BABAM2: variants seen among roughly 807,000 people sequenced by gnomAD.
BABAM2 encodes the protein BRISC and BRCA1-A complex member 2.
Under a neutral mutation model 54.7 loss-of-function variants are expected in BABAM2, and 31 were observed. That is an observed-to-expected ratio of 0.57 (90% CI 0.43 to 0.77). The LOEUF is 0.77. Ranked by LOEUF, BABAM2 falls within the 30% of genes least tolerant of loss-of-function variation. The pLI is 0.00. For synonymous variants in BABAM2, 167 were observed against 162.9 expected (o/e 1.03, Z -0.19); for missense variants, 364 against 455.8 (o/e 0.80, Z 1.83).
Position 28,223,241 on chromosome 2 carries a change from T to G in BABAM2, c.681-13961T>G, listed in dbSNP as rs183597569. Among the ~76,000 whole-genome samples the G allele has an allele frequency of 1.3e-3, 200 of 152,346 alleles. 1 individual carries two copies. The highest frequency in any genetic ancestry group is 2.2e-3 in the Non-Finnish European group (153 of 68,022). Reference sequence around the variant, plus strand: ...TAAAACACTAACCACACTTATAGCCTCCTCAATTCCCTCTTCCCAGTCTGC... The same window carrying G: ...TAAAACACTAACCACACTTATAGCCGCCTCAATTCCCTCTTCCCAGTCTGC... On this transcript the variant is annotated intron_variant, in intron 7 of 11. Coordinates refer to ENST00000379624, the MANE Select transcript of BABAM2 (RefSeq NM_199191.3).
At chr2:28,251,727 T>C (rs1451280814) in intron 10 of BABAM2, among the ~76,000 whole-genome samples, 1 of 152,202 alleles carries the variant, frequency 6.6e-6, no homozygotes, top group Admixed American at 6.5e-5. Context: ...GGAATATACT[T>C]GAAAAGCAAA....
chr2:28,185,444 T>C (rs1180463161), intron 7 of BABAM2, among the ~76,000 whole-genome samples: 1 of 152,196 alleles, frequency 6.6e-6, no homozygotes, highest in Non-Finnish European at 1.5e-5. Context: ...ATGATCCAGA[T>C]TGCACGTCTG....
chr2:28,113,772 C>G (rs890196585), intron 6 of BABAM2, among the ~76,000 whole-genome samples: 6 of 152,100 alleles, frequency 3.9e-5, no homozygotes, highest in African/African-American at 1.4e-4. Context: ...TTGATTCTTC[C>G]TATCTATGAG....
intron 4 of BABAM2, among the ~76,000 whole-genome samples, chr2:27,993,073 TG>T (rs1432345060): frequency 6.6e-6 from 1 of 152,230 alleles, no homozygotes; most frequent in East Asian, 1.9e-4. Context: ...GCTTGTTTGG[TG>T]TCTGTCTCTG....
intron 5 of BABAM2, among the ~76,000 whole-genome samples, chr2:28,044,880 C>T (rs746937802): frequency 1.2e-4 from 18 of 151,836 alleles, no homozygotes; most frequent in Non-Finnish European, 2.5e-4. Context: ...GGATGGAAGA[C>T]CGAGGATTCC....
Position 27,995,081 on chromosome 2 carries a change from G to T in BABAM2, c.300+6994G>T, listed in dbSNP as rs143904516. On this transcript the variant is annotated intron_variant, in intron 4 of 11. Coordinates refer to ENST00000379624, the MANE Select transcript of BABAM2 (RefSeq NM_199191.3). The surrounding 1 kb of genome is among the most constrained non-coding windows in gnomAD (Gnocchi z 4.1). ...AAGACCCTTTCCCCCATCACACCCC[G>T]TCACAGCTGAGATTCCTACCTCCTT... Among the ~76,000 whole-genome samples the T allele has an allele frequency of 1.7e-4, 26 of 152,134 alleles. No homozygotes were observed. Among genetic ancestry groups the T allele is most frequent in the Non-Finnish European group, 2.5e-4 (17 of 68,026 alleles).
intron 7 of BABAM2, among the ~76,000 whole-genome samples, chr2:28,209,229 C>T (rs962017029): frequency 2.0e-4 from 31 of 152,166 alleles, no homozygotes; most frequent in African/African-American, 7.5e-4. Context: ...CAACATCTCT[C>T]TCAGTCCCCT....
intron 11 of BABAM2, among the ~76,000 whole-genome samples, chr2:28,328,847 C>T (rs1690703937): frequency 6.6e-6 from 1 of 152,166 alleles, no homozygotes; most frequent in South Asian, 2.1e-4. Context: ...GCCTTAGGTG[C>T]TCTCTCCCCG....
At chr2:28,266,966 A>G (rs1685034781) in intron 10 of BABAM2, among the ~76,000 whole-genome samples, 1 of 152,164 alleles carries the variant, frequency 6.6e-6, no homozygotes, top group African/African-American at 2.4e-5. Context: ...GACCAGCCTG[A>G]TCAACATGGT....
intron 5 of BABAM2, among the ~76,000 whole-genome samples, chr2:28,035,170 GC>G (rs1162756629): frequency 6.6e-6 from 1 of 151,824 alleles, no homozygotes; most frequent in Non-Finnish European, 1.5e-5. Flanking sequence ...GTCTTTTTTT[GC>G]CTTTTAAATT....
chr2:28,214,295 C>T (rs1207650402), intron 7 of BABAM2, among the ~76,000 whole-genome samples: 1 of 152,100 alleles, frequency 6.6e-6, no homozygotes, highest in Non-Finnish European at 1.5e-5. Context: ...TGTGCTGCCT[C>T]TTTGTATTTG....
At chr2:28,232,749 G>A (rs1032725251) in intron 7 of BABAM2, among the ~76,000 whole-genome samples, 4 of 152,112 alleles carry the variant, frequency 2.6e-5, no homozygotes, top group African/African-American at 9.7e-5. Context: ...TCATATATGG[G>A]GTCCATCATT....
intron 3 of BABAM2, among the ~76,000 whole-genome samples, chr2:27,974,603 C>A (rs1671460274): frequency 6.6e-6 from 1 of 152,026 alleles, no homozygotes; most frequent in Non-Finnish European, 1.5e-5. Context: ...ATTTCCTCAG[C>A]CTCAAACTTA....
chr2:28,046,072 A>G (rs910603904), intron 6 of BABAM2, among the ~76,000 whole-genome samples: 1 of 152,236 alleles, frequency 6.6e-6, no homozygotes, highest in Non-Finnish European at 1.5e-5. Flanking sequence ...TAATAATGTT[A>G]CTGGAATGAA....
At chr2:27,892,231 G>A (rs1357167749) in intron 1 of BABAM2, among the ~76,000 whole-genome samples, 1 of 152,106 alleles carries the variant, frequency 6.6e-6, no homozygotes, top group Non-Finnish European at 1.5e-5. Flanking sequence ...AGTTTCTTTA[G>A]CTTCCACTTG....
intron 7 of BABAM2, among the ~76,000 whole-genome samples, chr2:28,184,334 A>AT (rs1005157537): frequency 3.1e-5 from 4 of 127,130 alleles, no homozygotes; most frequent in Non-Finnish European, 4.7e-5. Flanking sequence ...CTCTCCAGGT[A>AT]TTTTTTTTAA....
At chr2:28,320,109 GCAAAC>G (rs1689903700) in intron 11 of BABAM2, among the ~76,000 whole-genome samples, 2 of 152,244 alleles carry the variant, frequency 1.3e-5, no homozygotes, top group Non-Finnish European at 2.9e-5. Context: ...AGCCATATGG[GCAAAC>G]TTTGAAAGAC....
intron 6 of BABAM2, among the ~76,000 whole-genome samples, chr2:28,054,060 G>T (rs973156457): frequency 3.9e-5 from 6 of 152,058 alleles, no homozygotes; most frequent in Admixed American, 3.9e-4. Context: ...TAAAGTAAAA[G>T]ATAAACCGTT....
intron 2 of BABAM2, among the ~76,000 whole-genome samples, chr2:27,928,257 G>T: frequency 6.6e-6 from 1 of 151,672 alleles, no homozygotes; most frequent in East Asian, 1.9e-4. Context: ...CTCGTGATCC[G>T]CCTGCCTCAG....
Sources: allele counts gnomAD v4.1 joint callset (sites outside exome capture counted in the v4.1 genomes callset), GRCh38; gene constraint gnomAD v4.1.1; non-coding constraint Gnocchi (gnomAD v3.1); transcripts MANE v1.5; gene names NCBI Gene and HGNC (gene_info 2026-07-23, HGNC 2026-07-21).